The following PARD3B variants were observed in gnomAD, a reference collection of about 807,000 sequenced individuals.
PARD3B encodes the protein partitioning defective 3 homolog B.
A neutral mutation model predicts 130.2 loss-of-function variants in PARD3B; 103 were observed. The observed-to-expected ratio is 0.79, with a 90% CI of 0.67 to 0.93. The LOEUF is 0.93. PARD3B is among the 40% of genes least tolerant of loss of function. PARD3B has a pLI of 0.00. For missense variants in PARD3B, 1,609 were observed against 1,499.2 expected, an observed-to-expected ratio of 1.07 and a Z score of -1.21; for synonymous variants, 583 against 553.2, an observed-to-expected ratio of 1.05 and a Z score of -0.76.
At chr2:205,064,714 T>A (rs1367873292) in intron 4 of PARD3B, among the ~76,000 whole-genome samples, 1 of 152,122 alleles carries the variant, frequency 6.6e-6, no homozygotes, top group Non-Finnish European at 1.5e-5. Flanking sequence ...AAGAACTCAG[T>A]GTCATGTGGT....
At chr2:204,625,743 T>C (rs1192335343) in intron 1 of PARD3B, among the ~76,000 whole-genome samples, 1 of 152,224 alleles carries the variant, frequency 6.6e-6, no homozygotes. Flanking sequence ...AGGTTATTTA[T>C]AGATTTTTAG....
At chr2:205,058,734 A>T (rs549761887) in intron 4 of PARD3B, among the ~76,000 whole-genome samples, 1 of 151,900 alleles carries the variant, frequency 6.6e-6, no homozygotes, top group Admixed American at 6.6e-5. Flanking sequence ...CCATTCATGT[A>T]TCTTCTTTGG....
intron 21 of PARD3B, among the ~76,000 whole-genome samples, chr2:205,551,857 C>T (rs147066727): frequency 6.6e-6 from 1 of 152,234 alleles, no homozygotes; most frequent in East Asian, 1.9e-4. Context: ...CCTGTGCTTA[C>T]TGGCAAAATC....
chr2:205,531,692 A>G (rs926283997), intron 21 of PARD3B, among the ~76,000 whole-genome samples: 2 of 151,988 alleles, frequency 1.3e-5, no homozygotes, highest in African/African-American at 4.8e-5. Context: ...ATGTCCTAAC[A>G]CCACTCTCAG....
At chr2:205,082,525 A>G (rs1017740693) in intron 4 of PARD3B, among the ~76,000 whole-genome samples, 2 of 152,220 alleles carry the variant, frequency 1.3e-5, no homozygotes, top group East Asian at 1.9e-4. Context: ...TGGAAAACTG[A>G]TAACGCAGAA....
chr2:204,647,516 G>C (rs2035316044), intron 1 of PARD3B, among the ~76,000 whole-genome samples: 1 of 151,396 alleles, frequency 6.6e-6, no homozygotes. Context: ...AAAAAATGTT[G>C]GATTCAGGTT....
chr2:205,405,393 T>C lies in PARD3B; in HGVS notation c.2741+4270T>C, dbSNP rs1057227480. Among the ~76,000 whole-genome samples the C allele has an allele frequency of 6.6e-6, 1 of 152,172 alleles. No homozygotes were observed. Among genetic ancestry groups the C allele is most frequent in the African/African-American group, 2.4e-5 (1 of 41,444 alleles). On this transcript the variant is annotated intron_variant, in intron 19 of 22. Coordinates refer to ENST00000406610, the MANE Select transcript of PARD3B (RefSeq NM_001302769.2). The surrounding 1 kb of genome is among the most constrained non-coding windows in gnomAD (Gnocchi z 4.1). ...ATCATCCAACCCAAAATGTCAATAG[T>C]ACAGAGTCTGAGAAACCCTTTTATA... is the stretch of plus-strand genomic sequence containing the variant.
At chr2:204,732,915 G>A (rs897204026) in intron 2 of PARD3B, among the ~76,000 whole-genome samples, 1 of 152,100 alleles carries the variant, frequency 6.6e-6, no homozygotes, top group South Asian at 2.1e-4. Context: ...TCACAATTGG[G>A]GATACAAGTG....
chr2:205,327,314 G>A (rs2042969700), intron 18 of PARD3B, among the ~76,000 whole-genome samples: 1 of 152,032 alleles, frequency 6.6e-6, no homozygotes, highest in Non-Finnish European at 1.5e-5. Flanking sequence ...TCGCTAACGG[G>A]GACACACCTG....
At chr2:204,912,087 G>T (rs931686188) in intron 2 of PARD3B, among the ~76,000 whole-genome samples, 2 of 152,120 alleles carry the variant, frequency 1.3e-5, no homozygotes, top group African/African-American at 2.4e-5. Flanking sequence ...ATCATAAAAG[G>T]CCATTTTAGA....
At chr2:204,552,046 T>C (rs562636985) in intron 1 of PARD3B, among the ~76,000 whole-genome samples, 259 of 152,362 alleles carry the variant, frequency 1.7e-3, no homozygotes, top group African/African-American at 6.1e-3. Context: ...TTTTAAATTT[T>C]AATTTAAATG....
chr2:205,493,667 A>G (rs1336927562), intron 20 of PARD3B, among the ~76,000 whole-genome samples: 3 of 152,028 alleles, frequency 2.0e-5, no homozygotes, highest in Non-Finnish European at 4.4e-5. Context: ...ACCTCCAGAT[A>G]GGAATATTCC....
In PARD3B at chr2:205,301,694, A is replaced by G. The variant is rs200329080; in HGVS notation, c.2623A>G (p.Met875Val). Residue 875 changes from methionine to valine, a missense_variant, in exon 18 of 23, where the codon ATG becomes GTG. Coordinates refer to ENST00000406610, the MANE Select transcript of PARD3B (RefSeq NM_001302769.2). The surrounding 1 kb of genome is among the most constrained non-coding windows in gnomAD (Gnocchi z 5.2). ...AATAAAGAAGAAGGGCTTCGGCGCC[A>G]TGCTGAGGTATGGGCCTGCTTTGAA... Reference protein sequence around the residue: ...RKIKKKGFGAMLRFGKKKEDK... With the variant: ...RKIKKKGFGAVLRFGKKKEDK... 142 of 1,614,066 alleles carry G rather than the reference A, an allele frequency of 8.8e-5. No individual in the cohort carries two copies. In the Admixed American group the frequency reaches 2.3e-3, roughly 26 times the overall value.
rs2055473393 is a variant in PARD3B at position 205,617,509 on chromosome 2, A to AT, written c.*1696_*1697insT. On this transcript the variant is annotated 3_prime_UTR_variant, in exon 23 of 23. Transcript: ENST00000406610. ...TTTAAAATAGTATTCTGCTACCAAG[A>AT]AGGATGCAACTGCTAGTTTTAGATG... 6.6e-6 allele frequency: 1 copy of AT among 152,180 alleles called. No homozygotes were observed. The highest frequency in any genetic ancestry group is 1.5e-5 in the Non-Finnish European group (1 of 68,038). 9.4% of individuals were successfully genotyped at this position (152,180 alleles called of 1,614,324 possible).
chr2:204,793,822 C>A (rs2042276977), intron 2 of PARD3B, among the ~76,000 whole-genome samples: 1 of 152,100 alleles, frequency 6.6e-6, no homozygotes, highest in African/African-American at 2.4e-5. Context: ...TGACCTTTTT[C>A]AGTATAAATG....
In PARD3B at chr2:204,855,831, C is replaced by T. The variant is rs191798172; in HGVS notation, c.223-109321C>T. ...TTGCCTTTCTGTGCCTGGCTCATTT[C>T]ACTGAGCAAAGTACTCTAGTTCCAT... On this transcript the variant is annotated intron_variant, in intron 2 of 22. Coordinates refer to ENST00000406610, the MANE Select transcript of PARD3B (RefSeq NM_001302769.2). 2.1e-3 allele frequency among the ~76,000 whole-genome samples: 320 copies of T among 152,206 alleles called. 1 individual carries two copies. Among genetic ancestry groups the T allele is most frequent in the African/African-American group, 7.4e-3 (306 of 41,546 alleles).
At chr2:204,718,179 G>C (rs1352428685) in intron 2 of PARD3B, among the ~76,000 whole-genome samples, 1 of 152,006 alleles carries the variant, frequency 6.6e-6, no homozygotes. Flanking sequence ...TATTTCTTTG[G>C]TCGTGGGGGA....
intron 3 of PARD3B, among the ~76,000 whole-genome samples, chr2:204,968,641 C>T (rs1031535796): frequency 6.6e-6 from 1 of 152,206 alleles, no homozygotes; most frequent in African/African-American, 2.4e-5. Context: ...ATTCCTTTGT[C>T]TCTTTACTGT....
At chr2:205,377,855 C>T (rs1265402361) in intron 18 of PARD3B, among the ~76,000 whole-genome samples, 1 of 149,720 alleles carries the variant, frequency 6.7e-6, no homozygotes, top group Non-Finnish European at 1.5e-5. Flanking sequence ...ACTGCAACCT[C>T]CGTCTTCTGG....
Sources: allele counts gnomAD v4.1 joint callset (sites outside exome capture counted in the v4.1 genomes callset), GRCh38; gene constraint gnomAD v4.1.1; non-coding constraint Gnocchi (gnomAD v3.1); transcripts MANE v1.5; gene names NCBI Gene and HGNC (gene_info 2026-07-23, HGNC 2026-07-21).